The following EMSY variants were observed in gnomAD, a reference collection of about 807,000 sequenced individuals.
EMSY encodes BRCA2-interacting transcriptional repressor EMSY.
A neutral mutation model predicts 134.6 loss-of-function variants in EMSY; 26 were observed. The observed-to-expected ratio is 0.19, with a 90% CI of 0.14 to 0.27. EMSY has a LOEUF of 0.27. Among genes scored for constraint, EMSY ranks in the 10% least tolerant of loss-of-function variants. The pLI is 1.00. For missense variants in EMSY, 1,305 were observed against 1,611.4 expected, an observed-to-expected ratio of 0.81 and a Z score of 3.26; for synonymous variants, 579 against 577.8, an observed-to-expected ratio of 1.00 and a Z score of -0.03.
At chr11:76,550,968 G>T (rs1444623712) in exon 21 of EMSY, 1 of 152,768 alleles carries the variant, frequency 6.5e-6, no homozygotes, top group Non-Finnish European at 1.5e-5. Flanking sequence ...CAGAGGAAAA[G>T]AAACGTTTTC....
At chr11:76,534,561 G>C (rs1231533959) in intron 14 of EMSY, among the ~76,000 whole-genome samples, 1 of 152,076 alleles carries the variant, frequency 6.6e-6, no homozygotes, top group Non-Finnish European at 1.5e-5. Flanking sequence ...TGTTGGAAGA[G>C]TTGTTCCCCT....
At chr11:76,542,688 A>G (rs903889530) in intron 18 of EMSY, among the ~76,000 whole-genome samples, 1 of 151,588 alleles carries the variant, frequency 6.6e-6, no homozygotes, top group African/African-American at 2.4e-5. Flanking sequence ...AAGATTTTCA[A>G]ATGAAATAAC....
At chr11:76,474,734 C>G (rs571216288) in intron 8 of EMSY, among the ~76,000 whole-genome samples, 139 of 152,244 alleles carry the variant, frequency 9.1e-4, no homozygotes, top group Middle Eastern at 3.4e-3. Context: ...ATTTATACAG[C>G]AGTGAATGAG....
intron 8 of EMSY, among the ~76,000 whole-genome samples, chr11:76,492,963 A>G (rs1949482277): frequency 6.6e-6 from 1 of 152,154 alleles, no homozygotes; most frequent in African/African-American, 2.4e-5. Flanking sequence ...GCCAGACTCC[A>G]ACAGACTGGG....
At chr11:76,446,046 G>C (rs2134644931) in intron 1 of EMSY, among the ~76,000 whole-genome samples, 1 of 152,200 alleles carries the variant, frequency 6.6e-6, no homozygotes, top group South Asian at 2.1e-4. Context: ...GCTAGACAGT[G>C]AGCTCGTTCA....
intron 1 of EMSY, 119 bp downstream of exon 1, chr11:76,445,247 C>CT (rs1947328303): frequency 6.5e-6 from 1 of 153,118 alleles, no homozygotes; most frequent in African/African-American, 2.4e-5. Context: ...CCGTTGTTTC[C>CT]TAACGGGATC....
chr11:76,496,699 T>A (rs1949671030), intron 9 of EMSY: 2 of 580,792 alleles, frequency 3.4e-6, no homozygotes, highest in Non-Finnish European at 6.2e-6. Flanking sequence ...TTAATTTCAA[T>A]GTCTACATGT....
chr11:76,458,311 A>G, exon 5 of EMSY: 1 of 1,613,820 alleles, frequency 6.2e-7, no homozygotes, highest in Non-Finnish European at 8.5e-7. Context: ...GCAGCTATCC[A>G]GCATAATGCA....
intron 16 of EMSY, among the ~76,000 whole-genome samples, chr11:76,538,630 A>T (rs569206950): frequency 6.6e-6 from 1 of 152,268 alleles, no homozygotes; most frequent in East Asian, 1.9e-4. Context: ...GGAAAGAAGA[A>T]ATAAAATCCG....
intron 2 of EMSY, 74 bp downstream of exon 2, chr11:76,447,082 T>A: frequency 7.3e-7 from 1 of 1,368,046 alleles, no homozygotes; most frequent in African/African-American, 1.4e-5. Context: ...CATAGCTGTT[T>A]GCATGGATGT....
At chr11:76,527,221 G>A (rs1476374796) in intron 13 of EMSY, among the ~76,000 whole-genome samples, 1 of 151,366 alleles carries the variant, frequency 6.6e-6, no homozygotes, top group East Asian at 2.0e-4. Flanking sequence ...TATTAGTTTC[G>A]GTTGAGAAAT....
At chr11:76,522,742 T>C (rs188793046) in intron 11 of EMSY, among the ~76,000 whole-genome samples, 1 of 152,338 alleles carries the variant, frequency 6.6e-6, no homozygotes, top group East Asian at 1.9e-4. Context: ...GTTATGTAAA[T>C]TTAAGCATTT....
chr11:76,534,178 G>A (rs1951144209), intron 14 of EMSY, among the ~76,000 whole-genome samples: 1 of 151,984 alleles, frequency 6.6e-6, no homozygotes, highest in African/African-American at 2.4e-5. Context: ...TGCCTTTTGT[G>A]GATATTCAGT....
At chr11:76,514,286 AATATT>A (rs1480792184) in intron 10 of EMSY, among the ~76,000 whole-genome samples, 2 of 152,182 alleles carry the variant, frequency 1.3e-5, no homozygotes, top group Admixed American at 1.3e-4. Context: ...TGTCACTATT[AATATT>A]ATAATTAGCC....
exon 21 of EMSY, chr11:76,550,194 TC>T: frequency 1.4e-6 from 2 of 1,452,548 alleles, no homozygotes; most frequent in Non-Finnish European, 1.8e-6. Context: ...TTACCAAGTG[TC>T]CAGGGAAACC....
chr11:76,493,571 A>G (rs1454635741), intron 8 of EMSY, among the ~76,000 whole-genome samples: 1 of 152,058 alleles, frequency 6.6e-6, no homozygotes, highest in Non-Finnish European at 1.5e-5. Flanking sequence ...AACCCATGAA[A>G]ACCCCTGACA....
chr11:76,523,307 A>G lies in EMSY; in HGVS notation c.1821+16A>G, dbSNP rs752477123. On this transcript the variant is annotated intron_variant, in intron 12 of 20. Coordinates refer to ENST00000334736, the Ensembl canonical transcript of EMSY. ...AAATGCTGGAGTAAGTGAGAGCTTC[A>G]ACTGCAGACTTAGCAATTCACAGAG... 22 of 1,603,644 alleles carry G rather than the reference A, an allele frequency of 1.4e-5. No homozygotes were observed. The South Asian group carries it at 2.4e-4, about 17-fold the overall frequency.
intron 15 of EMSY, among the ~76,000 whole-genome samples, 189 bp from the exon 17 acceptor site, chr11:76,537,606 G>T (rs1951271695): frequency 6.6e-6 from 1 of 152,230 alleles, no homozygotes; most frequent in South Asian, 2.1e-4. Flanking sequence ...AGGCTGCTGA[G>T]TATGGTTATG....
At chr11:76,472,799 T>G (rs763097746) in exon 8 of EMSY, 11 of 1,614,214 alleles carry the variant, frequency 6.8e-6, no homozygotes, top group Non-Finnish European at 8.5e-6. Flanking sequence ...ACAGCTGTGG[T>G]GTCCTCTACA....
Sources: gnomAD v4.1 joint callset for allele counts (sites outside exome capture counted in the v4.1 genomes callset) on GRCh38, gnomAD v4.1.1 for gene constraint, MANE v1.5 for transcripts, NCBI Gene and HGNC (gene_info 2026-07-23, HGNC 2026-07-21) for gene names.